Variants in UMAD1 observed in about 807,000 individuals in gnomAD.
UMAD1 encodes the protein UBAP1-MVB12-associated (UMA) domain containing 1.
In UMAD1, 8 loss-of-function variants were observed where a neutral mutation model predicts 6.1. The ratio of observed to expected loss-of-function variants is 1.30; its 90% CI spans 0.76 to 2.35. The LOEUF (loss-of-function observed/expected upper bound fraction) is 2.35. Among genes scored for constraint, UMAD1 ranks in the 30% most tolerant of loss-of-function variants. The pLI is 0.00. For missense variants in UMAD1, 130 were observed against 78.4 expected, an observed-to-expected ratio of 1.66 and a Z score of -2.49; for synonymous variants, 56 against 31.4, an observed-to-expected ratio of 1.78 and a Z score of -2.61.
chr7:7,768,316 G>A (rs941298627), intron 2 of UMAD1, among the ~76,000 whole-genome samples: 1 of 152,138 alleles, frequency 6.6e-6, no homozygotes, highest in Non-Finnish European at 1.5e-5. Flanking sequence ...TGCCAAATGT[G>A]TGTTTTGAGA....
At chr7:7,769,727 G>A (rs1290072265) in intron 2 of UMAD1, among the ~76,000 whole-genome samples, 1 of 152,156 alleles carries the variant, frequency 6.6e-6, no homozygotes, top group East Asian at 1.9e-4. Flanking sequence ...CTGATAGTGT[G>A]GCATGTTCTG....
intron 2 of UMAD1, among the ~76,000 whole-genome samples, chr7:7,757,210 C>G (rs914945673): frequency 1.3e-5 from 2 of 152,158 alleles, no homozygotes; most frequent in Middle Eastern, 3.2e-3. Context: ...GATGTTGAGA[C>G]TCTTCAACTT....
intron 2 of UMAD1, among the ~76,000 whole-genome samples, chr7:7,780,992 A>G (rs1583820035): frequency 6.6e-6 from 1 of 152,298 alleles, no homozygotes; most frequent in East Asian, 1.9e-4. Context: ...AAATACTTGA[A>G]GAAATTTCTG....
intron 2 of UMAD1, among the ~76,000 whole-genome samples, chr7:7,749,569 G>C (rs1781638610): frequency 6.6e-6 from 1 of 152,138 alleles, no homozygotes; most frequent in African/African-American, 2.4e-5. Context: ...GGTGGCAAAG[G>C]CTTCCTTCAG....
At chr7:7,856,594 GT>G (rs199881561) in intron 3 of UMAD1, among the ~76,000 whole-genome samples, 2 of 151,812 alleles carry the variant, frequency 1.3e-5, no homozygotes, top group African/African-American at 2.4e-5. Context: ...CATTGGGTGT[GT>G]TTTTTTTCTT....
intron 2 of UMAD1, among the ~76,000 whole-genome samples, chr7:7,763,600 G>A (rs1781932865): frequency 6.6e-6 from 1 of 152,206 alleles, no homozygotes; most frequent in Non-Finnish European, 1.5e-5. Flanking sequence ...ATTTAGGCCG[G>A]GCGTGGTGGC....
At chr7:7,652,928 G>A (rs993048681) in intron 1 of UMAD1, among the ~76,000 whole-genome samples, 9 of 152,120 alleles carry the variant, frequency 5.9e-5, no homozygotes, top group African/African-American at 2.2e-4. Flanking sequence ...TAAAATGAGC[G>A]AGCAAATAGA....
intron 2 of UMAD1, among the ~76,000 whole-genome samples, chr7:7,747,469 G>A (rs1781593995): frequency 6.6e-6 from 1 of 152,176 alleles, no homozygotes; most frequent in Non-Finnish European, 1.5e-5. Flanking sequence ...GCAGTGACTT[G>A]GTCAAGGTCA....
chr7:7,844,201 C>A (rs1393734354), intron 3 of UMAD1, among the ~76,000 whole-genome samples: 1 of 152,196 alleles, frequency 6.6e-6, no homozygotes, highest in Non-Finnish European at 1.5e-5. Flanking sequence ...TGTATGCCGT[C>A]ACTTGCAGAT....
chr7:7,865,555 C>G (rs761384967), intron 3 of UMAD1, among the ~76,000 whole-genome samples: 19 of 152,284 alleles, frequency 1.2e-4, no homozygotes, highest in Admixed American at 6.5e-4. Context: ...GAGGCTTTTC[C>G]TCTAACAGAG....
rs142527116 is a variant in UMAD1 at position 7,754,264 on chromosome 7, A to G, written c.83-47406A>G. ...CCCTTTTCTCCACATCCTCTCTAGC[A>G]TTTGTAATTGCCTGTCTTGTGAATA... On this transcript the variant is annotated intron_variant, in intron 2 of 3. Coordinates refer to ENST00000682710, the MANE Select transcript of UMAD1 (RefSeq NM_001302348.2). Among the ~76,000 whole-genome samples, 1,307 of 152,232 alleles carry G rather than the reference A, an allele frequency of 8.6e-3. 8 individuals carry two copies. Among genetic ancestry groups the G allele is most frequent in the Non-Finnish European group, 0.015 (1,041 of 67,988 alleles).
intron 2 of UMAD1, chr7:7,736,474 C>G (rs1191176913): frequency 2.0e-5 from 3 of 152,448 alleles, no homozygotes; most frequent in Non-Finnish European, 4.4e-5. Flanking sequence ...ATTTAGATTA[C>G]ATTTATTCAC....
intron 3 of UMAD1, among the ~76,000 whole-genome samples, chr7:7,809,789 A>C (rs1391417035): frequency 6.6e-6 from 1 of 151,970 alleles, no homozygotes; most frequent in East Asian, 1.9e-4. Context: ...TCTTCTTCTG[A>C]TGTGTTTTCA....
chr7:7,714,750 A>C (rs1384125889), intron 2 of UMAD1, among the ~76,000 whole-genome samples: 1 of 152,194 alleles, frequency 6.6e-6, no homozygotes, highest in Non-Finnish European at 1.5e-5. Flanking sequence ...GGTTAAAGCA[A>C]GTAACAGGTT....
At chr7:7,778,006 C>A (rs1446675428) in intron 2 of UMAD1, among the ~76,000 whole-genome samples, 2 of 152,178 alleles carry the variant, frequency 1.3e-5, no homozygotes, top group Non-Finnish European at 2.9e-5. Context: ...GTTTATCCTT[C>A]CCAAGTGGGG....
rs147029487 is a variant in UMAD1, at chr7:7,871,780, A to G, written c.157-5501A>G. ...AAGCATGTCCCAATTTTTTTACTGT[A>G]CTAGATATAGTTTGATACATTCTTG... On this transcript the variant is annotated intron_variant, in intron 3 of 3. Transcript: ENST00000682710. 3.7e-4 allele frequency among the ~76,000 whole-genome samples: 57 copies of G among 152,132 alleles called. 2 individuals carry two copies. The highest frequency in any genetic ancestry group is 3.7e-3 in the Admixed American group (56 of 15,274).
At chr7:7,735,897 A>G (rs1232602801) in intron 2 of UMAD1, 2 of 152,202 alleles carry the variant, frequency 1.3e-5, no homozygotes, top group Non-Finnish European at 2.9e-5. Context: ...AGTTTGTGCC[A>G]TCATTAGGCA....
In UMAD1 at chr7:7,844,761, CAGTGCCATGTAAGATGCT is replaced by C. The variant is rs1783752475; in HGVS notation, c.157-32515_157-32498del. On this transcript the variant is annotated intron_variant, in intron 3 of 3. Transcript: ENST00000682710. ...CCACAGGTTTCTCATCCCTACCCTCCAGTGCCATGTAAGATGCTAGTGATCCATCTAATATGTTAAACA... is the reference window on the plus strand; with the variant it reads ...CCACAGGTTTCTCATCCCTACCCTCCAGTGATCCATCTAATATGTTAAACA... Among the ~76,000 whole-genome samples the C allele has an allele frequency of 1.3e-5, 2 of 152,140 alleles. 1 individual carries two copies. The highest frequency in any genetic ancestry group is 4.1e-4 in the South Asian group (2 of 4,832).
chr7:7,835,462 C>CTTTTTT lies in UMAD1; in HGVS notation c.156+33752_156+33757dup, dbSNP rs150411259. 2.2e-3 allele frequency among the ~76,000 whole-genome samples: 75 copies of CTTTTTT among 33,682 alleles called. 20 individuals carry two copies. Among genetic ancestry groups the CTTTTTT allele is most frequent in the Non-Finnish European group, 3.1e-3 (55 of 17,668 alleles). 22.1% of individuals were successfully genotyped at this position (33,682 alleles called of 152,430 possible). ...CATTCATTCACTCATTGAAACAGCA[C>CTTTTTT]TTTTTTTTTTTTTTTTTTTTTTTTT... On this transcript the variant is annotated intron_variant, in intron 3 of 3. Coordinates refer to ENST00000682710, the MANE Select transcript of UMAD1 (RefSeq NM_001302348.2).
Sources: allele counts gnomAD v4.1 joint callset (sites outside exome capture counted in the v4.1 genomes callset), GRCh38; gene constraint gnomAD v4.1.1; transcripts MANE v1.5; gene names NCBI Gene and HGNC (gene_info 2026-07-23, HGNC 2026-07-21).